Variants in WNT8A observed in about 807,000 individuals in gnomAD.
The protein encoded by WNT8A is Wnt family member 8A, also known as protein Wnt-8a.
In WNT8A, 14 loss-of-function variants were observed where a neutral mutation model predicts 20.5. The ratio of observed to expected loss-of-function variants is 0.68; its 90% confidence interval spans 0.45 to 1.07. The LOEUF (loss-of-function observed/expected upper bound fraction) is 1.07, where lower values mean the gene tolerates loss of function less well. WNT8A is among the 50% of genes least tolerant of loss of function. The probability of loss-of-function intolerance (pLI) is 0.00; values close to 1 mark genes in which losing one functional copy is unlikely to be tolerated. For synonymous variants in WNT8A, 167 were observed against 169.2 expected, an observed-to-expected ratio of 0.99 and a Z score of 0.10; for missense variants, 397 against 462.9, an observed-to-expected ratio of 0.86 and a Z score of 1.31.
chr5:138,090,776 G>A lies in WNT8A; in HGVS notation c.813G>A (p.Glu271=). 2 of 1,614,214 alleles carry A rather than the reference G, an allele frequency of 1.2e-6. No individual in the cohort carries two copies. Among genetic ancestry groups the A allele is most frequent in the Non-Finnish European group, 1.7e-6 (2 of 1,180,046 alleles). ...CAGAGGCGGAACTGATCTTTTTAGA[G>A]GAATCACCAGATTACTGTACCTGCA... The part of the protein sequence containing the change: ...PSAEAELIFL[E]ESPDYCTCNS... Residue 271 remains glutamate (E), a synonymous_variant, in exon 5 of 5, where the codon GAG becomes GAA. Transcript: ENST00000506684.
At chr5:138,086,967 A>G (rs1035183071) in intron 2 of WNT8A, among the ~76,000 whole-genome samples, 1 of 151,672 alleles carries the variant, frequency 6.6e-6, no homozygotes, top group South Asian at 2.1e-4. Flanking sequence ...AATTGCTTGA[A>G]CCTGGAAGGC....
Position 138,084,122 on chromosome 5 carries a change from G to C in WNT8A, c.-6G>C. 1 of 1,614,136 alleles carries C rather than the reference G, an allele frequency of 6.2e-7. No homozygotes were observed. The highest frequency in any genetic ancestry group is 8.5e-7 in the Non-Finnish European group (1 of 1,180,008). On this transcript the variant is annotated 5_prime_UTR_variant, in exon 1 of 5. Coordinates refer to ENST00000506684, the MANE Select transcript of WNT8A (RefSeq NM_001300939.2). ...ACCTGTTTATGCTCTGGGCAGCTCT[G>C]GGCATATGCTGTGCTGCATTCAGTG...
chr5:138,082,883 A>G (rs1750543564), upstream of WNT8A, among the ~76,000 whole-genome samples: 1 of 127,424 alleles, frequency 7.8e-6, no homozygotes, highest in Admixed American at 7.9e-5. Flanking sequence ...CTCAAAATAA[A>G]TAAATAAATA....
intron 2 of WNT8A, among the ~76,000 whole-genome samples, chr5:138,087,283 G>A (rs945938327): frequency 2.0e-5 from 3 of 151,664 alleles, no homozygotes; most frequent in African/African-American, 7.3e-5. Flanking sequence ...GGGAGGCGGA[G>A]GTTGCAGAGA....
Position 138,091,436 on chromosome 5 carries a change from C to A in WNT8A, c.*363C>A, listed in dbSNP as rs1487499472. ...CTTTAAATTTCAGACCATGTCCAACCCAGCTGTGCTGCTGGGAATCAGGAG... is the reference window on the plus strand; with the variant it reads ...CTTTAAATTTCAGACCATGTCCAACACAGCTGTGCTGCTGGGAATCAGGAG... On this transcript the variant is annotated 3_prime_UTR_variant, in exon 5 of 5. Coordinates refer to ENST00000506684, the MANE Select transcript of WNT8A (RefSeq NM_001300939.2). 7.4e-7 allele frequency: 1 copy of A among 1,359,722 alleles called. No homozygotes were observed. Among genetic ancestry groups the A allele is most frequent in the Admixed American group, 1.9e-5 (1 of 52,746 alleles). 84.2% of individuals were successfully genotyped at this position (1,359,722 alleles called of 1,614,324 possible).
At chr5:138,084,932 C>T (rs79397622) in intron 2 of WNT8A, among the ~76,000 whole-genome samples, 2 of 151,764 alleles carry the variant, frequency 1.3e-5, no homozygotes, top group Non-Finnish European at 2.9e-5. Context: ...TAGGAAATTA[C>T]TCTTTTTTTT....
chr5:138,091,186 G>T lies in WNT8A; in HGVS notation c.*113G>T. ...CGGAAAATTGCAGTTTTGGTCTGTAGTCCTCATGATATCTGCTATCAGTGG... is the reference window on the plus strand; with the variant it reads ...CGGAAAATTGCAGTTTTGGTCTGTATTCCTCATGATATCTGCTATCAGTGG... On this transcript the variant is annotated 3_prime_UTR_variant, in exon 5 of 5. Transcript: ENST00000506684. 1 of 1,541,398 alleles carries T rather than the reference G, an allele frequency of 6.5e-7. No homozygotes were observed. The highest frequency in any genetic ancestry group is 8.7e-7 in the Non-Finnish European group (1 of 1,154,596).
chr5:138,090,996 T>G lies in WNT8A; in HGVS notation c.1033T>G (p.Cys345Gly). 6.2e-7 allele frequency: 1 copy of G among 1,614,150 alleles called. No homozygotes were observed. Among genetic ancestry groups the G allele is most frequent in the African/African-American group, 1.3e-5 (1 of 75,032 alleles). The change falls in exon 5 of 5, where the codon TGT becomes GGT. Residue 345 changes from cysteine (C) to glycine (G), a missense_variant. Cys to Gly is a radical substitution (Grantham distance 159). Transcript: ENST00000506684. ...GTGCTGTACGGTCAAGTGTGACCAG[T>G]GTAGGCATGTGGTGAGCAAGTATTA... is the stretch of plus-strand genomic sequence containing the variant. ...QWCCTVKCDQ[C>G]RHVVSKYYCA...
At chr5:138,080,623 C>T (rs1206445612), upstream of WNT8A, among the ~76,000 whole-genome samples, 1 of 151,186 alleles carries the variant, frequency 6.6e-6, no homozygotes, top group Non-Finnish European at 1.5e-5. Context: ...TTTTTAGAGA[C>T]AGGGTCTCAT....
upstream of WNT8A, chr5:138,083,871 C>A: frequency 2.1e-6 from 1 of 474,952 alleles, no homozygotes; most frequent in Non-Finnish European, 3.7e-6. Context: ...CTGGGCAGGG[C>A]GGGGCTTTTG....
chr5:138,084,587 C>A lies in WNT8A; in HGVS notation c.246C>A (p.Asn82Lys). The A allele has an allele frequency of 6.2e-7, 1 of 1,613,634 alleles. No homozygotes were observed. Among genetic ancestry groups the A allele is most frequent in the South Asian group, 1.1e-5 (1 of 90,974 alleles). Reference sequence around the variant, plus strand: ...TCCAGTTTGCTTGGGAACGCTGGAACTGCCCTGAAAATGCTCTTCAGCTCT... The same window carrying A: ...TCCAGTTTGCTTGGGAACGCTGGAAATGCCCTGAAAATGCTCTTCAGCTCT... ...CKFQFAWERW[N>K]CPENALQLST... Residue 82 changes from asparagine to lysine, a missense_variant, in exon 2 of 5, where the codon AAC (asparagine) becomes AAA (lysine). By Grantham distance (94) the Asn-to-Lys change is moderately conservative. Coordinates refer to ENST00000506684, the MANE Select transcript of WNT8A (RefSeq NM_001300939.2).
the WNT8A span, among the ~76,000 whole-genome samples, chr5:138,077,407 T>C: frequency 3.5e-3 from 534 of 152,284 alleles, 2 homozygotes; most frequent in African/African-American, 0.012. Flanking sequence ...AACTTCTCTC[T>C]CTCTCAGACC....
upstream of WNT8A, chr5:138,083,843 G>A (rs991877292): frequency 1.2e-5 from 5 of 430,346 alleles, no homozygotes; most frequent in East Asian, 1.7e-4. Context: ...TTCTGGGAGG[G>A]AAGAAGGGCT....
chr5:138,088,859 G>C (rs1750754969), intron 3 of WNT8A, 68 bp from the exon 4 acceptor site: 1 of 1,575,290 alleles, frequency 6.3e-7, no homozygotes, highest in Non-Finnish European at 8.6e-7. Context: ...GCTCTTGGGG[G>C]TGGTTTGGCG....
downstream of WNT8A, among the ~76,000 whole-genome samples, chr5:138,091,796 A>AGCCTGGGT (rs879547039): frequency 7.6e-6 from 1 of 131,628 alleles, no homozygotes; most frequent in Non-Finnish European, 1.7e-5. Flanking sequence ...ATTGCACTCC[A>AGCCTGGGT]ACCTGGGCAA....
At chr5:138,080,457 T>TTTTTTTTG (rs1750481109), upstream of WNT8A, among the ~76,000 whole-genome samples, 6 of 143,302 alleles carry the variant, frequency 4.2e-5, no homozygotes, top group South Asian at 2.3e-4. Flanking sequence ...TTTTTTTTTT[T>TTTTTTTTG]TTTTTTTTTT....
rs1465141000 is a variant in WNT8A at position 138,091,074 on chromosome 5, T to C, written c.*1T>C. 6.2e-7 allele frequency: 1 copy of C among 1,607,022 alleles called. No homozygotes were observed. Among genetic ancestry groups the C allele is most frequent in the Non-Finnish European group, 8.5e-7 (1 of 1,175,864 alleles). ...GTCCCTGGGTAAGGGCAGTGCCTGA[T>C]AATACCCCACACAAGTTCACTTGAT... On this transcript the variant is annotated 3_prime_UTR_variant, in exon 5 of 5. Coordinates refer to ENST00000506684, the MANE Select transcript of WNT8A (RefSeq NM_001300939.2).
At chr5:138,080,927 T>C (rs1259918462), upstream of WNT8A, among the ~76,000 whole-genome samples, 2 of 152,114 alleles carry the variant, frequency 1.3e-5, no homozygotes, top group Admixed American at 1.3e-4. Context: ...TCTCTATAAA[T>C]TCTCACTTCC....
chr5:138,089,337 G>A (rs182249283), intron 4 of WNT8A, among the ~76,000 whole-genome samples: 1 of 152,256 alleles, frequency 6.6e-6, no homozygotes, highest in Admixed American at 6.5e-5. Flanking sequence ...CCCTCCACAC[G>A]CGGGCTTCTG....
Sources: allele counts gnomAD v4.1 joint callset (sites outside exome capture counted in the v4.1 genomes callset), GRCh38; gene constraint gnomAD v4.1.1; transcripts MANE v1.5; gene names NCBI Gene and HGNC (gene_info 2026-07-23, HGNC 2026-07-21).